The following BLTP1 variants were observed in gnomAD, a reference collection of about 807,000 sequenced individuals.
BLTP1 encodes fragile site-associated protein.
At chr4:122,219,490 A>G in the BLTP1 span, 5 of 1,613,960 alleles carry the variant, frequency 3.1e-6, no homozygotes, top group African/African-American at 4.0e-5. Context: ...AGCCAAGTCA[A>G]TTCATCCACT....
the BLTP1 span, chr4:122,359,664 A>G: frequency 6.2e-7 from 1 of 1,612,732 alleles, no homozygotes; most frequent in East Asian, 2.2e-5. Flanking sequence ...CATCACTTAT[A>G]CTACTGTGGA....
At chr4:122,275,406 C>T in the BLTP1 span, among the ~76,000 whole-genome samples, 3 of 151,998 alleles carry the variant, frequency 2.0e-5, no homozygotes, top group African/African-American at 7.2e-5. Flanking sequence ...TATACTCTTT[C>T]GACCTTATAA....
At chr4:122,236,902 T>C in the BLTP1 span, 178 of 985,350 alleles carry the variant, frequency 1.8e-4, no homozygotes, top group African/African-American at 2.9e-3. Context: ...CCTGAGTTTC[T>C]GATTGTTGAG....
chr4:122,266,779 T>C, the BLTP1 span: 4 of 1,589,566 alleles, frequency 2.5e-6, no homozygotes, highest in Non-Finnish European at 3.4e-6. Flanking sequence ...TTTATGTCTT[T>C]TAGGTTGTTT....
chr4:122,318,708 T>TATA, the BLTP1 span, among the ~76,000 whole-genome samples: 5 of 152,248 alleles, frequency 3.3e-5, no homozygotes, highest in Non-Finnish European at 7.3e-5. Flanking sequence ...TAATGCACTT[T>TATA]ATAATCTTTA....
the BLTP1 span, chr4:122,192,205 T>C: frequency 6.2e-7 from 1 of 1,608,078 alleles, no homozygotes; most frequent in Middle Eastern, 1.7e-4. Context: ...TAACTGCCTT[T>C]ATATTGTATG....
the BLTP1 span, chr4:122,271,651 G>A: frequency 6.2e-7 from 1 of 1,610,816 alleles, no homozygotes; most frequent in Non-Finnish European, 8.5e-7. Flanking sequence ...TGTATAAATT[G>A]CTTAACTTCT....
the BLTP1 span, chr4:122,361,929 T>C: frequency 7.4e-7 from 1 of 1,345,738 alleles, no homozygotes; most frequent in Non-Finnish European, 9.9e-7. Context: ...AAATATTTTG[T>C]CTTGAGTATA....
At chr4:122,292,959 A>C in the BLTP1 span, 1 of 328,758 alleles carries the variant, frequency 3.0e-6, no homozygotes, top group Non-Finnish European at 4.1e-6. Context: ...AGGCTAATCC[A>C]AAAAAAAAAA....
chr4:122,306,022 C>T, the BLTP1 span: 1 of 1,608,408 alleles, frequency 6.2e-7, no homozygotes, highest in Non-Finnish European at 8.5e-7. Context: ...ATTGTTTATG[C>T]ACAGCCTGTG....
the BLTP1 span, chr4:122,328,457 A>T: frequency 9.2e-7 from 1 of 1,089,736 alleles, no homozygotes; most frequent in African/African-American, 1.6e-5. Flanking sequence ...AACATTTTTA[A>T]TGTGCCTCGC....
the BLTP1 span, among the ~76,000 whole-genome samples, chr4:122,262,162 G>GTGTGTGTGTA: frequency 3.4e-5 from 5 of 147,462 alleles, no homozygotes; most frequent in Non-Finnish European, 3.0e-5. Context: ...GTGTGTGTGT[G>GTGTGTGTGTA]TGTGTGTGTG....
At chr4:122,249,792 C>G in the BLTP1 span, 4 of 1,466,512 alleles carry the variant, frequency 2.7e-6, no homozygotes, top group Non-Finnish European at 3.7e-6. Flanking sequence ...CATAATAAAG[C>G]AGAAAGTGTG....
chr4:122,349,366 C>A, the BLTP1 span: 115 of 1,560,856 alleles, frequency 7.4e-5, no homozygotes, highest in Non-Finnish European at 9.1e-5. This position sits in a 1 kb window ranked among gnomAD's most constrained non-coding sequence, Gnocchi z 4.5. Context: ...ATATATATAT[C>A]AAAAAAAATG....
chr4:122,290,810 T>TAC, the BLTP1 span: 123 of 37,558 alleles, frequency 3.3e-3, no homozygotes, highest in African/African-American at 0.014. Flanking sequence ...AAAAAAAAAA[T>TAC]ATACACACAC....
the BLTP1 span, chr4:122,200,216 A>C: frequency 1.0e-6 from 1 of 982,988 alleles, no homozygotes; most frequent in Non-Finnish European, 1.2e-6. Flanking sequence ...TGAATTCTTC[A>C]TCTATTGCTG....
the BLTP1 span, among the ~76,000 whole-genome samples, chr4:122,248,717 A>G: frequency 2.8e-4 from 42 of 152,184 alleles, 1 homozygote; most frequent in African/African-American, 9.9e-4. Flanking sequence ...ATAGAATATT[A>G]TATAGCTATT....
At chr4:122,231,826 C>A in the BLTP1 span, 15 of 970,530 alleles carry the variant, frequency 1.5e-5, no homozygotes, top group Non-Finnish European at 1.8e-5. Context: ...CCCAAAAGAA[C>A]CTGGGGTCCA....
the BLTP1 span, among the ~76,000 whole-genome samples, chr4:122,295,863 G>C: frequency 6.6e-6 from 1 of 152,024 alleles, no homozygotes; most frequent in African/African-American, 2.4e-5. Flanking sequence ...ATGCATAAAA[G>C]GCCTTTGATA....
Sources: allele counts gnomAD v4.1 joint callset (sites outside exome capture counted in the v4.1 genomes callset), GRCh38; gene constraint gnomAD v4.1.1; non-coding constraint Gnocchi (gnomAD v3.1); transcripts MANE v1.5; gene names NCBI Gene and HGNC (gene_info 2026-07-23, HGNC 2026-07-21).